PTPRD: variants seen among roughly 807,000 people sequenced by gnomAD.
PTPRD encodes protein tyrosine phosphatase receptor type D, also known as receptor-type tyrosine-protein phosphatase delta.
Under a neutral mutation model 214.5 loss-of-function variants are expected in PTPRD, and 34 were observed. The ratio of observed to expected loss-of-function variants is 0.16; its 90% CI spans 0.12 to 0.21. The LOEUF (loss-of-function observed/expected upper bound fraction) is 0.21, where lower values mean the gene tolerates loss of function less well. PTPRD is among the 10% of genes least tolerant of loss of function. The pLI is 1.00. For missense variants in PTPRD, 2,545 were observed against 2,398.7 expected, an observed-to-expected ratio of 1.06 and a Z score of -1.27; for synonymous variants, 1,128 against 845.7, an observed-to-expected ratio of 1.33 and a Z score of -5.79.
chr9:8,753,231 A>C (rs1001817288), intron 11 of PTPRD, among the ~76,000 whole-genome samples: 18 of 152,218 alleles, frequency 1.2e-4, no homozygotes, highest in African/African-American at 3.9e-4. Flanking sequence ...AAATTGTCCT[A>C]AAATGTCCTT....
At chr9:9,896,041 T>C (rs942223141) in intron 5 of PTPRD, among the ~76,000 whole-genome samples, 1 of 152,032 alleles carries the variant, frequency 6.6e-6, no homozygotes, top group Non-Finnish European at 1.5e-5. Context: ...ACTACAAAGC[T>C]TAGGGCCCAT....
intron 2 of PTPRD, among the ~76,000 whole-genome samples, chr9:10,494,671 G>A (rs1170785090): frequency 2.0e-5 from 3 of 148,454 alleles, no homozygotes; most frequent in African/African-American, 4.9e-5. Context: ...ACAGGTAATT[G>A]TAAAACTTAA....
chr9:10,446,289 G>A (rs2098798591), intron 2 of PTPRD, among the ~76,000 whole-genome samples: 1 of 151,910 alleles, frequency 6.6e-6, no homozygotes, highest in Non-Finnish European at 1.5e-5. Context: ...AATGGAATAT[G>A]AAGAGAGTAG....
chr9:9,941,468 A>T (rs572738100), intron 4 of PTPRD, among the ~76,000 whole-genome samples: 1 of 152,194 alleles, frequency 6.6e-6, no homozygotes, highest in Non-Finnish European at 1.5e-5. Flanking sequence ...GATTACAGGA[A>T]CCCAGCACCA....
chr9:9,391,920 G>C (rs1403484168), intron 9 of PTPRD, among the ~76,000 whole-genome samples: 2 of 152,082 alleles, frequency 1.3e-5, no homozygotes, highest in Non-Finnish European at 2.9e-5. Flanking sequence ...GAGAACCCTT[G>C]AGTGGTAATC....
intron 3 of PTPRD, among the ~76,000 whole-genome samples, chr9:10,062,141 G>A (rs943409712): frequency 6.6e-6 from 1 of 152,024 alleles, no homozygotes; most frequent in Non-Finnish European, 1.5e-5. Flanking sequence ...GAGGGTGGTA[G>A]GATGTTACAA....
intron 39 of PTPRD, among the ~76,000 whole-genome samples, chr9:8,342,399 C>A (rs529557446): frequency 6.6e-6 from 1 of 152,168 alleles, no homozygotes; most frequent in African/African-American, 2.4e-5. Flanking sequence ...CTGTTTTCGT[C>A]CCATGTACAA....
At chr9:9,049,344 A>C (rs1025781933) in intron 10 of PTPRD, among the ~76,000 whole-genome samples, 10 of 152,310 alleles carry the variant, frequency 6.6e-5, no homozygotes, top group African/African-American at 2.2e-4. Context: ...TGCTTTATAA[A>C]AACTGAATTG....
chr9:8,681,179 T>C (rs1438365437), intron 12 of PTPRD, among the ~76,000 whole-genome samples: 1 of 152,108 alleles, frequency 6.6e-6, no homozygotes, highest in Non-Finnish European at 1.5e-5. Context: ...TGATCAATCA[T>C]CCATAGACGC....
chr9:10,224,766 C>T (rs555991325), intron 3 of PTPRD, among the ~76,000 whole-genome samples: 12 of 151,932 alleles, frequency 7.9e-5, no homozygotes, highest in South Asian at 4.1e-4. Context: ...CTTCCTCCTC[C>T]GCCTTAGCCA....
intron 3 of PTPRD, among the ~76,000 whole-genome samples, chr9:10,175,178 T>C (rs997008250): frequency 4.6e-5 from 7 of 152,074 alleles, no homozygotes; most frequent in African/African-American, 1.2e-4. Context: ...GTGCCTGCAA[T>C]AGTACTGCTA....
intron 11 of PTPRD, among the ~76,000 whole-genome samples, chr9:8,899,006 T>C (rs544961268): frequency 2.6e-5 from 4 of 152,192 alleles, no homozygotes; most frequent in Admixed American, 2.6e-4. Context: ...TTCATGAAAA[T>C]TTGTCATTTT....
At chr9:9,341,072 ATTGT>A (rs2137291784) in intron 9 of PTPRD, among the ~76,000 whole-genome samples, 1 of 152,262 alleles carries the variant, frequency 6.6e-6, no homozygotes, top group South Asian at 2.1e-4. Context: ...TGTTTTGCTA[ATTGT>A]TTTTCAAATC....
intron 11 of PTPRD, among the ~76,000 whole-genome samples, chr9:8,811,461 G>C (rs980292131): frequency 1.5e-4 from 23 of 152,118 alleles, no homozygotes; most frequent in African/African-American, 5.1e-4. Flanking sequence ...AGTGTTTGTG[G>C]AACTGAATAA....
At chr9:8,563,723 A>G (rs746999312) in intron 14 of PTPRD, among the ~76,000 whole-genome samples, 1 of 152,130 alleles carries the variant, frequency 6.6e-6, no homozygotes, top group Non-Finnish European at 1.5e-5. Context: ...ACGCAGTGGC[A>G]CAATCTCAGC....
intron 12 of PTPRD, among the ~76,000 whole-genome samples, chr9:8,726,537 G>A (rs530728711): frequency 7.7e-6 from 1 of 129,642 alleles, no homozygotes; most frequent in East Asian, 2.4e-4. Context: ...TTCGAGACCA[G>A]CCTGGCCAAC....
At chr9:8,352,488 TG>T (rs1316648079) in intron 39 of PTPRD, among the ~76,000 whole-genome samples, 1 of 152,156 alleles carries the variant, frequency 6.6e-6, no homozygotes, top group Non-Finnish European at 1.5e-5. Context: ...GCCCACTTTT[TG>T]AAAGAGGAGA....
chr9:8,516,798 C>CTTTTT (rs71500960), intron 21 of PTPRD, among the ~76,000 whole-genome samples: 60 of 107,924 alleles, frequency 5.6e-4, no homozygotes, highest in Non-Finnish European at 8.1e-4. Flanking sequence ...CAAGAATAAA[C>CTTTTT]TTTTTTTTTT....
chr9:8,894,706 G>A (rs569995525), intron 11 of PTPRD, among the ~76,000 whole-genome samples: 1 of 152,142 alleles, frequency 6.6e-6, no homozygotes, highest in Non-Finnish European at 1.5e-5. Context: ...GTGTGAAAAT[G>A]CCATTTGAAA....
Sources: gnomAD v4.1 joint callset for allele counts (sites outside exome capture counted in the v4.1 genomes callset) on GRCh38, gnomAD v4.1.1 for gene constraint, MANE v1.5 for transcripts, NCBI Gene and HGNC (gene_info 2026-07-23, HGNC 2026-07-21) for gene names.